Variants in KIAA1210 observed in about 807,000 individuals in gnomAD.
KIAA1210 encodes acrosomal protein KIAA1210.
Under a neutral mutation model 78.9 loss-of-function variants are expected in KIAA1210, and 48 were observed. The ratio of observed to expected loss-of-function variants is 0.61; its 90% CI spans 0.48 to 0.77. KIAA1210 has a LOEUF of 0.77. Ranked by LOEUF, KIAA1210 falls within the 30% of genes least tolerant of loss-of-function variation. The pLI, the probability that KIAA1210 is intolerant of heterozygous loss-of-function variation, is 0.00. For synonymous variants in KIAA1210, 406 were observed against 404.5 expected (o/e 1.00, Z -0.04); for missense variants, 1,108 against 1,100.0 (o/e 1.01, Z -0.10).
chrX:119,144,032 T>G (rs1011668112), intron 2 of KIAA1210, among the ~76,000 whole-genome samples: 1 of 112,559 alleles, frequency 8.9e-6, no homozygotes, highest in African/African-American at 3.2e-5. Context: ...ACACTCTGCC[T>G]AAGTGGCTGA....
chrX:119,143,028 C>T (rs1262817299), intron 2 of KIAA1210, among the ~76,000 whole-genome samples: 1 of 111,548 alleles, frequency 9.0e-6, no homozygotes, highest in African/African-American at 3.3e-5. Flanking sequence ...TCATATAAAG[C>T]TCTTGGCATG....
intron 2 of KIAA1210, among the ~76,000 whole-genome samples, chrX:119,121,816 T>C (rs1928470795): frequency 9.0e-6 from 1 of 110,568 alleles, no homozygotes; most frequent in African/African-American, 3.3e-5. Context: ...TCACCCAGGC[T>C]AGAGTGCAGT....
chrX:119,111,304 A>G (rs910153603), intron 3 of KIAA1210, among the ~76,000 whole-genome samples: 3 of 112,100 alleles, frequency 2.7e-5, no homozygotes, highest in African/African-American at 9.7e-5. Context: ...ACACATGCAC[A>G]TGTATGTTTA....
At chrX:119,140,241 TGC>T (rs1929015789) in intron 2 of KIAA1210, among the ~76,000 whole-genome samples, 1 of 111,479 alleles carries the variant, frequency 9.0e-6, no homozygotes, top group African/African-American at 3.3e-5. Context: ...ATTTAAAAAA[TGC>T]ACAGGCCGGG....
intron 8 of KIAA1210, among the ~76,000 whole-genome samples, chrX:119,091,337 A>G (rs748640852): frequency 5.5e-4 from 62 of 112,177 alleles, no homozygotes; most frequent in Non-Finnish European, 9.8e-4. Flanking sequence ...AAAGAACTAA[A>G]AATAGATCTA....
In KIAA1210 at chrX:119,125,714, C is replaced by CATATATATAT. The variant is rs1193124266; in HGVS notation, c.-11+2003_-11+2012dup. ...CGTGCTCCACCATGCCCAGCTAATA[C>CATATATATAT]ATATATATATATATATATATATTTT... On this transcript the variant is annotated intron_variant, in intron 1 of 11. Transcript: ENST00000691062. 6.8e-4 allele frequency among the ~76,000 whole-genome samples: 3 copies of CATATATATAT among 4,434 alleles called. 1 individual carries two copies. Among genetic ancestry groups the CATATATATAT allele is most frequent in the Non-Finnish European group, 3.2e-3 (2 of 618 alleles). 3.9% of individuals were successfully genotyped at this position (4,434 alleles called of 115,157 possible). A position where few individuals can be genotyped will look rare whatever the true frequency, so the allele number is the denominator to read the frequency against.
intron 7 of KIAA1210, 92 bp from the exon 8 acceptor site, chrX:119,093,867 T>G: frequency 1.1e-6 from 1 of 909,002 alleles, no homozygotes; most frequent in Non-Finnish European, 1.6e-6. Context: ...AGGAAAAAAG[T>G]TCTTGATGCT....
At chrX:119,091,886 T>A (rs1241770559) in intron 8 of KIAA1210, among the ~76,000 whole-genome samples, 1 of 111,408 alleles carries the variant, frequency 9.0e-6, no homozygotes, top group Non-Finnish European at 1.9e-5. Flanking sequence ...GGAGCTAAGC[T>A]ATGGGTATGC....
upstream of KIAA1210, among the ~76,000 whole-genome samples, chrX:119,130,638 C>T (rs1928767325): frequency 8.9e-6 from 1 of 112,362 alleles, no homozygotes; most frequent in Non-Finnish European, 1.9e-5. Flanking sequence ...CTTTTTTAAA[C>T]ATATGGGGAC....
At chrX:119,115,963 C>T in intron 3 of KIAA1210, among the ~76,000 whole-genome samples, 1 of 111,968 alleles carries the variant, frequency 8.9e-6, no homozygotes, top group Middle Eastern at 4.6e-3. Context: ...TGTGTTTTTA[C>T]AGCAACACAG....
intron 8 of KIAA1210, among the ~76,000 whole-genome samples, chrX:119,092,760 T>C (rs3049067): frequency 5.0e-3 from 33 of 6,557 alleles, no homozygotes; most frequent in African/African-American, 8.1e-3. Flanking sequence ...GACTCCGTCT[T>C]AAATAAATAA....
At chrX:119,138,216 T>TTTTTTG (rs1928961919) in intron 2 of KIAA1210, among the ~76,000 whole-genome samples, 1 of 83,200 alleles carries the variant, frequency 1.2e-5, no homozygotes, top group African/African-American at 4.6e-5. Flanking sequence ...TGGTTGTTTT[T>TTTTTTG]TTTTTTTTTT....
intron 2 of KIAA1210, among the ~76,000 whole-genome samples, chrX:119,121,392 T>C (rs748030648): frequency 2.7e-5 from 3 of 111,789 alleles, no homozygotes; most frequent in Non-Finnish European, 5.6e-5. Flanking sequence ...GGTACAGCAG[T>C]TGCAGTCAGT....
chrX:119,096,603 G>C lies in KIAA1210; in HGVS notation c.737C>G (p.Pro246Arg). 8.3e-7 allele frequency: 1 copy of C among 1,210,884 alleles called. No individual in the cohort carries two copies. Residue 246 changes from proline to arginine, a missense_variant, in exon 7 of 12, where the codon CCC (proline) becomes CGC (arginine). Around this residue, in one of 5 missense-constraint regions of KIAA1210, gnomAD observed 672 missense variants for 607.1 expected, o/e 1.11. Coordinates refer to ENST00000691062, the MANE Select transcript of KIAA1210 (RefSeq NM_001394962.1). ...TLASTSSTQL[P>R]IGFSTPATTQ... The stretch of plus-strand genomic sequence containing the variant: ...GGTGGCTGGGGTGCTGAAACCAATG[G>C]GCAGCTGGGTGCTACTGGTAGAGGC...
chrX:119,090,260 G>A (rs149209171), intron 8 of KIAA1210, among the ~76,000 whole-genome samples: 1,690 of 106,708 alleles, frequency 0.016, 13 homozygotes, highest in Middle Eastern at 0.042. Context: ...AATTAATTAT[G>A]GTTCTATTTT....
chrX:119,085,783 T>C (rs951440975), intron 9 of KIAA1210, among the ~76,000 whole-genome samples: 1 of 112,688 alleles, frequency 8.9e-6, no homozygotes, highest in African/African-American at 3.2e-5. Context: ...CCCTTGTCCA[T>C]CCCTGGTGCC....
intron 2 of KIAA1210, among the ~76,000 whole-genome samples, chrX:119,137,601 C>T (rs932058310): frequency 3.5e-5 from 4 of 112,957 alleles, no homozygotes; most frequent in South Asian, 7.3e-4. Flanking sequence ...CCCATGGCTC[C>T]TGTGCCGCAT....
chrX:119,093,603 A>T, intron 8 of KIAA1210, 64 bp downstream of exon 8: 1 of 834,786 alleles, frequency 1.2e-6, no homozygotes, highest in Non-Finnish European at 1.7e-6. Flanking sequence ...AGCTCCTATC[A>T]ACATAGCACT....
chrX:119,089,011 G>A lies in KIAA1210; in HGVS notation c.1691C>T (p.Thr564Ile), dbSNP rs113740887. Residue 564 changes from threonine (T) to isoleucine (I), a missense_variant, in exon 9 of 12, where the codon ACC (threonine) becomes ATC (isoleucine). Thr to Ile is a moderately conservative substitution (Grantham distance 89). Around this residue, in one of 5 missense-constraint regions of KIAA1210, gnomAD observed 672 missense variants for 607.1 expected, o/e 1.11. Coordinates refer to ENST00000691062, the MANE Select transcript of KIAA1210 (RefSeq NM_001394962.1). ...CATACCCAAAACACTTGCTGTAAAG[G>A]TCTGGTGAACATTTCCAGAAGGCTT... is the stretch of plus-strand genomic sequence containing the variant. ...KEKPSGNVHQTFTASVLGMTS... is the reference protein window; with the variant it reads ...KEKPSGNVHQIFTASVLGMTS... 1.8e-4 allele frequency: 220 copies of A among 1,210,488 alleles called. 1 individual carries two copies. In the African/African-American group the frequency reaches 2.8e-3, roughly 15 times the overall value.
Sources: gnomAD v4.1 joint callset for allele counts (sites outside exome capture counted in the v4.1 genomes callset) on GRCh38, gnomAD v4.1.1 for gene constraint, gnomAD v4.1.1 regional missense constraint, MANE v1.5 for transcripts, NCBI Gene and HGNC (gene_info 2026-07-23, HGNC 2026-07-21) for gene names.